The following SIPA1L1 variants were observed in gnomAD, a reference collection of about 807,000 sequenced individuals.
SIPA1L1 encodes the protein signal-induced proliferation-associated 1-like protein 1.
In SIPA1L1, 26 loss-of-function variants were observed where a neutral mutation model predicts 162.7. That is an observed-to-expected ratio of 0.16 (90% CI 0.12 to 0.22). The LOEUF (loss-of-function observed/expected upper bound fraction) is 0.22, where lower values mean the gene tolerates loss of function less well. Among genes scored for constraint, SIPA1L1 ranks in the 10% least tolerant of loss-of-function variants. The pLI is 1.00. For synonymous variants in SIPA1L1, 829 were observed against 837.4 expected, an observed-to-expected ratio of 0.99 and a Z score of 0.17; for missense variants, 1,874 against 2,241.0, an observed-to-expected ratio of 0.84 and a Z score of 3.31.
At chr14:71,332,736 T>G (rs773066611) in intron 2 of SIPA1L1, among the ~76,000 whole-genome samples, 1 of 152,164 alleles carries the variant, frequency 6.6e-6, no homozygotes, top group Non-Finnish European at 1.5e-5. Context: ...CTTCTGCATC[T>G]TCATTCATTC....
chr14:71,557,746 A>T (rs544255540), intron 4 of SIPA1L1, among the ~76,000 whole-genome samples: 2 of 152,268 alleles, frequency 1.3e-5, no homozygotes, highest in South Asian at 2.1e-4. Flanking sequence ...TAACTGATAT[A>T]AAAAAACCTA....
intron 4 of SIPA1L1, among the ~76,000 whole-genome samples, chr14:71,534,291 T>C (rs1490503664): frequency 6.6e-6 from 1 of 152,148 alleles, no homozygotes; most frequent in Non-Finnish European, 1.5e-5. Flanking sequence ...CATTAGCCAA[T>C]ATGTAAATGG....
At chr14:71,613,195 G>T (rs1298199273) in intron 5 of SIPA1L1, among the ~76,000 whole-genome samples, 1 of 151,990 alleles carries the variant, frequency 6.6e-6, no homozygotes, top group Non-Finnish European at 1.5e-5. Context: ...TAAAATTTTA[G>T]AAACTTATGG....
chr14:71,442,024 TTAGG>T (rs2044907584), intron 2 of SIPA1L1, among the ~76,000 whole-genome samples: 1 of 151,498 alleles, frequency 6.6e-6, no homozygotes, highest in Admixed American at 6.6e-5. Context: ...ATACAAAAAA[TTAGG>T]TAGGCATGGT....
At chr14:71,346,607 A>G (rs1187973556) in intron 2 of SIPA1L1, among the ~76,000 whole-genome samples, 1 of 152,220 alleles carries the variant, frequency 6.6e-6, no homozygotes, top group Non-Finnish European at 1.5e-5. Flanking sequence ...GCAAGTCATG[A>G]TGGTAAGCAA....
chr14:71,665,391 C>G (rs1202825565), intron 10 of SIPA1L1, among the ~76,000 whole-genome samples: 2 of 152,138 alleles, frequency 1.3e-5, no homozygotes, highest in African/African-American at 4.8e-5. Context: ...TGTGAGTCAT[C>G]ATGTAGCCAA....
At chr14:71,523,730 T>C (rs1343211869) in intron 3 of SIPA1L1, among the ~76,000 whole-genome samples, 3 of 152,256 alleles carry the variant, frequency 2.0e-5, no homozygotes, top group East Asian at 3.9e-4. Flanking sequence ...AGCTTGGCCT[T>C]CTCTTCCATG....
In SIPA1L1 at chr14:71,565,834, T is replaced by C. The variant is rs541412627; in HGVS notation, c.-302-21737T>C. ...TTATAGAAAATATTTATAAAAAAAA[T>C]CCTTCCAAAAAATTAACTTTCTATT... On this transcript the variant is annotated intron_variant, in intron 4 of 23. Transcript: ENST00000381232. Among the ~76,000 whole-genome samples the C allele has an allele frequency of 3.3e-4, 47 of 142,774 alleles. 1 individual carries two copies. In the East Asian group the frequency reaches 9.5e-3, roughly 29 times the overall value. The allele number at this position is 142,774 out of a possible 152,430, so 93.7% of individuals were successfully genotyped here.
At chr14:71,360,332 A>C (rs185339882) in intron 2 of SIPA1L1, among the ~76,000 whole-genome samples, 14 of 152,328 alleles carry the variant, frequency 9.2e-5, no homozygotes, top group Admixed American at 7.9e-4. Context: ...TCTTAGGAAG[A>C]TATTAAGAAA....
intron 2 of SIPA1L1, among the ~76,000 whole-genome samples, chr14:71,422,321 T>C (rs1356259864): frequency 1.3e-5 from 2 of 152,242 alleles, no homozygotes; most frequent in Non-Finnish European, 2.9e-5. Context: ...TTTAAAAATA[T>C]GAAACAATAC....
At chr14:71,506,138 T>G (rs2050648857) in intron 2 of SIPA1L1, among the ~76,000 whole-genome samples, 1 of 152,178 alleles carries the variant, frequency 6.6e-6, no homozygotes. Context: ...GAACAAAAAA[T>G]TATAGGTTAT....
intron 4 of SIPA1L1, among the ~76,000 whole-genome samples, chr14:71,566,896 C>T (rs1458378051): frequency 6.6e-6 from 1 of 152,022 alleles, no homozygotes. Flanking sequence ...ACAGACTCTG[C>T]GAATAAAGTC....
At chr14:71,555,709 T>C (rs1164164440) in intron 4 of SIPA1L1, among the ~76,000 whole-genome samples, 2 of 152,204 alleles carry the variant, frequency 1.3e-5, no homozygotes, top group Non-Finnish European at 2.9e-5. Context: ...CACCTGTGAC[T>C]CTTCCTTTCA....
chr14:71,617,980 T>C (rs545038208), intron 5 of SIPA1L1, among the ~76,000 whole-genome samples: 2 of 152,240 alleles, frequency 1.3e-5, no homozygotes, highest in Non-Finnish European at 2.9e-5. Context: ...TTTCAACATT[T>C]TCTATAAATT....
intron 2 of SIPA1L1, among the ~76,000 whole-genome samples, chr14:71,381,214 G>T (rs987349187): frequency 6.6e-6 from 1 of 151,992 alleles, no homozygotes; most frequent in Non-Finnish European, 1.5e-5. Flanking sequence ...CACGGTGCCC[G>T]GCTAATTTTT....
At chr14:71,410,743 A>G (rs2042346019) in intron 2 of SIPA1L1, among the ~76,000 whole-genome samples, 2 of 152,188 alleles carry the variant, frequency 1.3e-5, no homozygotes, top group African/African-American at 4.8e-5. Context: ...AGTTCACAAA[A>G]TTGTGTGAGT....
At chr14:71,667,459 A>C (rs2044124771) in intron 10 of SIPA1L1, among the ~76,000 whole-genome samples, 1 of 152,156 alleles carries the variant, frequency 6.6e-6, no homozygotes. Context: ...TCCTCAGCAA[A>C]GGCAAAGTGC....
intron 2 of SIPA1L1, among the ~76,000 whole-genome samples, chr14:71,429,566 T>C (rs988254238): frequency 1.3e-5 from 2 of 152,174 alleles, no homozygotes; most frequent in East Asian, 3.8e-4. Context: ...TAGTTCCTGA[T>C]TATAAACAAG....
chr14:71,341,550 C>T (rs994810430), intron 2 of SIPA1L1, among the ~76,000 whole-genome samples: 10 of 152,228 alleles, frequency 6.6e-5, no homozygotes, highest in Middle Eastern at 6.8e-3. Flanking sequence ...AGGTTTGTTA[C>T]GTGGGTATGT....
Sources: gnomAD v4.1 joint callset for allele counts (sites outside exome capture counted in the v4.1 genomes callset) on GRCh38, gnomAD v4.1.1 for gene constraint, MANE v1.5 for transcripts, NCBI Gene and HGNC (gene_info 2026-07-23, HGNC 2026-07-21) for gene names.